The following ABI1 variants were observed in gnomAD, a reference collection of about 807,000 sequenced individuals.
ABI1 encodes abl interactor 1, also known as Abelson interactor 1.
Under a neutral mutation model 54.6 loss-of-function variants are expected in ABI1, and 14 were observed. The ratio of observed to expected loss-of-function variants is 0.26; its 90% CI spans 0.17 to 0.40. The LOEUF is 0.40. Ranked by LOEUF, ABI1 falls within the 10% of genes least tolerant of loss-of-function variation. ABI1 has a pLI of 1.00. For missense variants in ABI1, 443 were observed against 598.3 expected (o/e 0.74, Z 2.71); for synonymous variants, 194 against 209.3 (o/e 0.93, Z 0.63).
intron 10 of ABI1, among the ~76,000 whole-genome samples, chr10:26,750,510 T>A (rs1210359552): frequency 1.3e-5 from 2 of 152,012 alleles, no homozygotes; most frequent in African/African-American, 4.8e-5. Context: ...TAAAAAAATA[T>A]AAAAGGAAAA....
intron 1 of ABI1, among the ~76,000 whole-genome samples, chr10:26,851,094 G>A (rs2050349835): frequency 6.6e-6 from 1 of 152,124 alleles, no homozygotes; most frequent in Non-Finnish European, 1.5e-5. Context: ...AACTAAAATG[G>A]GAAAGAATTT....
chr10:26,790,550 A>G (rs1305834923), intron 2 of ABI1: 1 of 152,048 alleles, frequency 6.6e-6, no homozygotes, highest in Non-Finnish European at 1.5e-5. Context: ...AAAAATGTGG[A>G]ACACTTCATG....
Position 26,823,245 on chromosome 10 carries a change from T to C in ABI1, c.178A>G (p.Ser60Gly), listed in dbSNP as rs2048100629. 3.7e-6 allele frequency: 6 copies of C among 1,604,042 alleles called. No homozygotes were observed. Among genetic ancestry groups the C allele is most frequent in the Non-Finnish European group, 5.1e-6 (6 of 1,176,910 alleles). ...AATGCATTTATTTGATAAGCAACAC[T>C]AGCTAGAGATTGGGTTGTATAGGCT... is the stretch of plus-strand genomic sequence containing the variant. The part of the protein sequence containing the change: ...TKAYTTQSLA[S>G]VAYQINALAN... Residue 60 changes from serine to glycine, a missense_variant, in exon 2 of 11, where the codon AGT becomes GGT. Ser to Gly is a moderately conservative substitution (Grantham distance 56). Transcript: ENST00000376140.
intron 6 of ABI1, 110 bp downstream of exon 6, chr10:26,768,742 T>C (rs1840288598): frequency 1.3e-6 from 1 of 775,906 alleles, no homozygotes; most frequent in Non-Finnish European, 2.0e-6. Flanking sequence ...TTACATTTTA[T>C]ATTAGCATTA....
chr10:26,844,519 T>TCCTCTTC (rs374267734), intron 1 of ABI1, among the ~76,000 whole-genome samples: 363 of 152,332 alleles, frequency 2.4e-3, no homozygotes, highest in African/African-American at 8.5e-3. Context: ...CCCTTTCCTC[T>TCCTCTTC]CCTCTTCCCT....
At chr10:26,858,588 G>C (rs1027620908) in intron 1 of ABI1, among the ~76,000 whole-genome samples, 1 of 139,168 alleles carries the variant, frequency 7.2e-6, no homozygotes, top group Non-Finnish European at 1.5e-5. Flanking sequence ...GTGGCTATTC[G>C]TGCACCATGG....
rs1838758336 is a variant in ABI1 at position 26,759,154 on chromosome 10, G to A, written c.905C>T (p.Ser302Phe). 1 of 1,614,158 alleles carries A rather than the reference G, an allele frequency of 6.2e-7. No homozygotes were observed. The highest frequency in any genetic ancestry group is 8.5e-7 in the Non-Finnish European group (1 of 1,180,006). ...GGGAGTTCGTCTGTATCCACCAGAA[G>A]ATGTCGAAGAAGTAGTAGAGTTGTG... ...SRHNSTTSSTSSGGYRRTPSV... is the reference protein window; with the variant it reads ...SRHNSTTSSTFSGGYRRTPSV... Residue 302 changes from serine (S) to phenylalanine (F), a missense_variant, in exon 8 of 11, where the codon TCT becomes TTT. By Grantham distance (155) the Ser-to-Phe change is radical (BLOSUM62 -2). Transcript: ENST00000376140.
intron 2 of ABI1, among the ~76,000 whole-genome samples, chr10:26,779,151 G>C (rs1341053883): frequency 6.6e-6 from 1 of 152,154 alleles, no homozygotes; most frequent in East Asian, 1.9e-4. Flanking sequence ...GAATGCTGAT[G>C]GGGACAAAAC....
At chr10:26,765,846 A>G (rs1240328629) in intron 6 of ABI1, among the ~76,000 whole-genome samples, 1 of 152,206 alleles carries the variant, frequency 6.6e-6, no homozygotes, top group East Asian at 1.9e-4. Context: ...TGGAACCAAT[A>G]TAATGATAAC....
chr10:26,772,985 G>T (rs1315430532), intron 3 of ABI1, among the ~76,000 whole-genome samples: 3 of 151,992 alleles, frequency 2.0e-5, no homozygotes, highest in Non-Finnish European at 2.9e-5. Flanking sequence ...GCTGAGGAGG[G>T]AGGATCACTT....
At chr10:26,785,330 A>C (rs111393659) in intron 2 of ABI1, among the ~76,000 whole-genome samples, 3 of 152,302 alleles carry the variant, frequency 2.0e-5, no homozygotes, top group Admixed American at 1.3e-4. Context: ...AACTTGCTAC[A>C]TATGTTTGTA....
rs1840632286 is a variant in ABI1, at chr10:26,771,107, AAG to A, written c.463-20_463-19del. The A allele has an allele frequency of 4.3e-6, 7 of 1,613,510 alleles. No individual in the cohort carries two copies. The highest frequency in any genetic ancestry group is 1.3e-5 in the African/African-American group (1 of 75,020). On this transcript the variant is annotated intron_variant, in intron 3 of 10. Coordinates refer to ENST00000376140, the MANE Select transcript of ABI1 (RefSeq NM_001012750.3). ...TTTAGCCACTTTACGTTGGCAAAAA[AAG>A]GGGGGGAAAAAGTAGACATTAATGC...
intron 2 of ABI1, among the ~76,000 whole-genome samples, chr10:26,803,882 AAAAG>A (rs1056338041): frequency 1.8e-4 from 28 of 152,318 alleles, no homozygotes; most frequent in Admixed American, 8.5e-4. Context: ...ACTTAACCTC[AAAAG>A]AAAGAATAGC....
At chr10:26,857,510 G>A (rs1279666534) in intron 1 of ABI1, among the ~76,000 whole-genome samples, 2 of 151,558 alleles carry the variant, frequency 1.3e-5, no homozygotes. Context: ...GGGAGTGGTG[G>A]TGCGCACCTG....
Position 26,747,722 on chromosome 10 carries a change from G to A in ABI1, c.*848C>T, listed in dbSNP as rs915324711. 1.0e-5 allele frequency: 2 copies of A among 196,142 alleles called. No individual in the cohort carries two copies. The highest frequency in any genetic ancestry group is 1.1e-5 in the Non-Finnish European group (1 of 94,640). The allele number at this position is 196,142 out of a possible 1,614,324, so 12.2% of individuals were successfully genotyped here. A position where few individuals can be genotyped will look rare whatever the true frequency, so the allele number is the denominator to read the frequency against. On this transcript the variant is annotated 3_prime_UTR_variant, in exon 11 of 11. Transcript: ENST00000376140. ...AATAACCATTGCAGATTTTGAATCT[G>A]CAAAAATCCGTCACATTGCTGTTGG... is the stretch of plus-strand genomic sequence containing the variant.
At position 26,762,856 on chromosome 10, in the gene ABI1, C is replaced by T. The variant is rs141043509; in HGVS notation, c.820+2362G>A. 7.7e-3 allele frequency among the ~76,000 whole-genome samples: 1,175 copies of T among 152,264 alleles called. 10 individuals carry two copies. Among genetic ancestry groups the T allele is most frequent in the Non-Finnish European group, 9.6e-3 (652 of 68,028 alleles). On this transcript the variant is annotated intron_variant, in intron 7 of 10. Coordinates refer to ENST00000376140, the MANE Select transcript of ABI1 (RefSeq NM_001012750.3). Reference sequence around the variant, plus strand: ...GAAATTGATAAATCTAGGGTAGGTACATGTTCAACTTGACTAGGTATCAAT... The same window carrying T: ...GAAATTGATAAATCTAGGGTAGGTATATGTTCAACTTGACTAGGTATCAAT...
intron 1 of ABI1, among the ~76,000 whole-genome samples, chr10:26,837,389 C>A (rs779974455): frequency 6.6e-6 from 1 of 151,884 alleles, no homozygotes; most frequent in African/African-American, 2.4e-5. Context: ...AGCCTTATGA[C>A]CTCATTTAAC....
chr10:26,845,880 T>G (rs1348323294), intron 1 of ABI1, among the ~76,000 whole-genome samples: 2 of 151,498 alleles, frequency 1.3e-5, no homozygotes, highest in African/African-American at 4.9e-5. Flanking sequence ...CAGTGGCTCA[T>G]GCCTGTAATC....
At chr10:26,814,539 A>G (rs2047436158) in intron 2 of ABI1, among the ~76,000 whole-genome samples, 1 of 152,236 alleles carries the variant, frequency 6.6e-6, no homozygotes, top group African/African-American at 2.4e-5. Context: ...ACTTTCTCCT[A>G]GTATTACTTC....
Sources: allele counts gnomAD v4.1 joint callset (sites outside exome capture counted in the v4.1 genomes callset), GRCh38; gene constraint gnomAD v4.1.1; transcripts MANE v1.5; gene names NCBI Gene and HGNC (gene_info 2026-07-23, HGNC 2026-07-21).